Variants in GLYR1 observed in about 807,000 individuals in gnomAD.
GLYR1 encodes the protein cytokine-like nuclear factor N-PAC.
Under a neutral mutation model 72.7 loss-of-function variants are expected in GLYR1, and 21 were observed. That is an observed-to-expected ratio of 0.29 (90% CI 0.20 to 0.42). The LOEUF is 0.42. GLYR1 is among the 10% of genes least tolerant of loss of function. GLYR1 has a pLI of 1.00. For synonymous variants in GLYR1, 392 were observed against 270.2 expected (o/e 1.45, Z -4.42); for missense variants, 594 against 712.1 (o/e 0.83, Z 1.89).
chr16:4,824,174 G>A (rs145487549), intron 5 of GLYR1, among the ~76,000 whole-genome samples: 1 of 152,314 alleles, frequency 6.6e-6, no homozygotes, highest in African/African-American at 2.4e-5. Flanking sequence ...AGTACTGTCT[G>A]CAAAGTTTCA....
chr16:4,813,868 C>A lies in GLYR1; in HGVS notation c.1018-30G>T, dbSNP rs752583309. 3 of 1,569,546 alleles carry A rather than the reference C, an allele frequency of 1.9e-6. No homozygotes were observed. In the Admixed American group the frequency reaches 5.3e-5, roughly 28 times the overall value. ...GGGGACACAAGGGAGAAGCAATAGCCCAGGCTCCCGGGCAGATGCTCAGGA... is the reference window on the plus strand; with the variant it reads ...GGGGACACAAGGGAGAAGCAATAGCACAGGCTCCCGGGCAGATGCTCAGGA... On this transcript the variant is annotated intron_variant, in intron 11 of 15. Coordinates refer to ENST00000321919, the MANE Select transcript of GLYR1 (RefSeq NM_032569.4).
intron 3 of GLYR1, chr16:4,839,685 A>T (rs1232726902): frequency 6.6e-6 from 1 of 152,252 alleles, no homozygotes; most frequent in African/African-American, 2.4e-5. Flanking sequence ...CTCTCCTAAC[A>T]GTGGGATGTC....
chr16:4,820,303 T>C (rs972860111), intron 9 of GLYR1, among the ~76,000 whole-genome samples: 20 of 152,122 alleles, frequency 1.3e-4, no homozygotes, highest in African/African-American at 4.8e-4. Context: ...GTTCTGGATT[T>C]TTAATATGGC....
rs1321900043 is a variant in GLYR1, at chr16:4,804,088, G to A, written c.*1148C>T. On this transcript the variant is annotated 3_prime_UTR_variant, in exon 16 of 16. Coordinates refer to ENST00000321919, the MANE Select transcript of GLYR1 (RefSeq NM_032569.4). Reference sequence around the variant, plus strand: ...AGACCATGATGCTGGCTGGAGTGAAGACACTCGTTTCCGTATCAAGAGCTG... The same window carrying A: ...AGACCATGATGCTGGCTGGAGTGAAAACACTCGTTTCCGTATCAAGAGCTG... 1.3e-5 allele frequency: 2 copies of A among 152,294 alleles called. No individual in the cohort carries two copies. The highest frequency in any genetic ancestry group is 2.9e-5 in the Non-Finnish European group (2 of 68,124). 9.4% of individuals were successfully genotyped at this position (152,294 alleles called of 1,614,324 possible).
chr16:4,843,524 CA>C, intron 3 of GLYR1: 1 of 1,287,908 alleles, frequency 7.8e-7, no homozygotes, highest in Non-Finnish European at 1.0e-6. Flanking sequence ...TCCACAGCTC[CA>C]GGCCAGCGAT....
intron 5 of GLYR1, among the ~76,000 whole-genome samples, chr16:4,827,364 T>C (rs1233380185): frequency 1.3e-5 from 2 of 152,202 alleles, no homozygotes; most frequent in Non-Finnish European, 2.9e-5. Flanking sequence ...ACCGATTCCC[T>C]ACCTGTCTGA....
At chr16:4,836,821 A>C (rs2085165303) in intron 3 of GLYR1, among the ~76,000 whole-genome samples, 1 of 151,810 alleles carries the variant, frequency 6.6e-6, no homozygotes, top group East Asian at 1.9e-4. Context: ...TGGAAAAAAA[A>C]AAAAAAAACA....
chr16:4,819,458 G>C (rs184164005), intron 9 of GLYR1, among the ~76,000 whole-genome samples: 35 of 152,210 alleles, frequency 2.3e-4, no homozygotes, highest in African/African-American at 7.9e-4. Context: ...ATAGGTGCAT[G>C]CCACCATGTC....
rs753553332 is a variant in GLYR1, at chr16:4,832,306, T to C, written c.295-85A>G. The C allele has an allele frequency of 3.3e-4, 500 of 1,506,062 alleles. 1 individual carries two copies. The highest frequency in any genetic ancestry group is 4.2e-4 in the Non-Finnish European group (463 of 1,099,678). The allele number at this position is 1,506,062 out of a possible 1,614,324, so 93.3% of individuals were successfully genotyped here. On this transcript the variant is annotated intron_variant, in intron 4 of 15. Coordinates refer to ENST00000321919, the MANE Select transcript of GLYR1 (RefSeq NM_032569.4). ...ATCATTTACAGGTGCCATGTGCTGC[T>C]ACAGGCACTCTGTGTGGTCTCCTCA... is the stretch of plus-strand genomic sequence containing the variant.
intron 9 of GLYR1, among the ~76,000 whole-genome samples, chr16:4,819,499 C>T (rs962205075): frequency 1.7e-4 from 26 of 152,018 alleles, no homozygotes; most frequent in African/African-American, 5.8e-4. Context: ...TTTGTAGAGA[C>T]GGGGTCTTGC....
intron 3 of GLYR1, among the ~76,000 whole-genome samples, chr16:4,836,641 T>C (rs2085152056): frequency 6.6e-6 from 1 of 152,208 alleles, no homozygotes; most frequent in Non-Finnish European, 1.5e-5. Context: ...ATGCATGTTA[T>C]GTGCTACCAC....
intron 3 of GLYR1, among the ~76,000 whole-genome samples, chr16:4,843,241 G>A (rs1341945104): frequency 6.6e-6 from 1 of 152,114 alleles, no homozygotes; most frequent in East Asian, 1.9e-4. Flanking sequence ...AACAATCTCT[G>A]CCTCCTGGGT....
chr16:4,806,202 C>T (rs1297690117), intron 15 of GLYR1, among the ~76,000 whole-genome samples: 1 of 152,112 alleles, frequency 6.6e-6, no homozygotes, highest in African/African-American at 2.4e-5. Flanking sequence ...TACCCAACAT[C>T]CTGCAGTGCT....
intron 13 of GLYR1, 41 bp downstream of exon 13, chr16:4,812,045 G>A (rs2083348961): frequency 1.3e-6 from 2 of 1,591,864 alleles, no homozygotes; most frequent in Admixed American, 1.8e-5. Context: ...CAGAGGAGAT[G>A]TGGCCCCAGG....
chr16:4,832,740 G>A, intron 4 of GLYR1, 34 bp downstream of exon 4: 1 of 1,578,022 alleles, frequency 6.3e-7, no homozygotes, highest in Non-Finnish European at 8.6e-7. Flanking sequence ...TCACCAGTCT[G>A]GCATTGGTAG....
chr16:4,809,010 A>T (rs914458898), intron 15 of GLYR1, among the ~76,000 whole-genome samples: 1 of 152,108 alleles, frequency 6.6e-6, no homozygotes, highest in Non-Finnish European at 1.5e-5. Flanking sequence ...ACATCATTTG[A>T]AAAATGCTAA....
At chr16:4,824,031 C>T (rs1314186138) in intron 5 of GLYR1, 124 bp from the exon 6 acceptor site, 46 of 660,764 alleles carry the variant, frequency 7.0e-5, no homozygotes, top group East Asian at 5.3e-4. Context: ...GACCGTCCCT[C>T]GGGAGAAACA....
chr16:4,822,111 G>A (rs140300748), intron 7 of GLYR1, among the ~76,000 whole-genome samples: 1 of 103,336 alleles, frequency 9.7e-6, no homozygotes, highest in Non-Finnish European at 2.1e-5. Context: ...TTCTGAGATA[G>A]AGTCTCGCTC....
At chr16:4,815,278 T>G (rs2083566537) in intron 10 of GLYR1, among the ~76,000 whole-genome samples, 1 of 152,128 alleles carries the variant, frequency 6.6e-6, no homozygotes, top group East Asian at 1.9e-4. Context: ...TTTTTTTTTT[T>G]TTCTGTAGAG....
Sources: allele counts gnomAD v4.1 joint callset (sites outside exome capture counted in the v4.1 genomes callset), GRCh38; gene constraint gnomAD v4.1.1; transcripts MANE v1.5; gene names NCBI Gene and HGNC (gene_info 2026-07-23, HGNC 2026-07-21).